Variants in SLC30A5 observed in about 807,000 individuals in gnomAD.
The protein encoded by SLC30A5 is solute carrier family 30 member 5.
In SLC30A5, 33 loss-of-function variants were observed where a neutral mutation model predicts 79.6. That is an observed-to-expected ratio of 0.41 (90% CI 0.31 to 0.55). The LOEUF is 0.55. Among genes scored for constraint, SLC30A5 ranks in the 20% least tolerant of loss-of-function variants. The probability of loss-of-function intolerance (pLI) is 0.20; values close to 1 mark genes in which losing one functional copy is unlikely to be tolerated. For synonymous variants in SLC30A5, 299 were observed against 319.7 expected, an observed-to-expected ratio of 0.94 and a Z score of 0.69; for missense variants, 788 against 928.1, an observed-to-expected ratio of 0.85 and a Z score of 1.96.
At chr5:69,117,705 C>T (rs1187199277) in intron 11 of SLC30A5, among the ~76,000 whole-genome samples, 2 of 151,132 alleles carry the variant, frequency 1.3e-5, no homozygotes, top group Admixed American at 6.6e-5. Flanking sequence ...GGTGAAACCT[C>T]GTCTCTACTA....
intron 1 of SLC30A5, among the ~76,000 whole-genome samples, chr5:69,094,823 C>T (rs1414724019): frequency 6.6e-6 from 1 of 152,024 alleles, no homozygotes; most frequent in Non-Finnish European, 1.5e-5. Context: ...ATCGAGGGTC[C>T]AGCCCCGTTT....
intron 7 of SLC30A5, 75 bp from the exon 8 acceptor site, chr5:69,115,162 A>T: frequency 1.3e-5 from 10 of 799,428 alleles, no homozygotes; most frequent in African/African-American, 2.2e-5. Flanking sequence ...AAAAAAAAAA[A>T]AAAGATCATG....
intron 14 of SLC30A5, among the ~76,000 whole-genome samples, chr5:69,125,499 G>A (rs921051665): frequency 3.4e-5 from 5 of 148,188 alleles, no homozygotes; most frequent in Admixed American, 1.4e-4. Context: ...GCAACAGAGC[G>A]AGACTGGCAA....
At chr5:69,112,168 G>A (rs1374722385) in intron 5 of SLC30A5, among the ~76,000 whole-genome samples, 1 of 151,968 alleles carries the variant, frequency 6.6e-6, no homozygotes, top group African/African-American at 2.4e-5. Flanking sequence ...ATGGTGATGT[G>A]CACCTGTAAT....
At chr5:69,100,612 TAAAAAA>T in intron 1 of SLC30A5, among the ~76,000 whole-genome samples, 189 bp from the exon 2 acceptor site, 1 of 134,478 alleles carries the variant, frequency 7.4e-6, no homozygotes, top group Admixed American at 7.5e-5. Flanking sequence ...CTCTATGAGT[TAAAAAA>T]AAAAAAAAAA....
At chr5:69,105,751 A>T (rs1310133379) in intron 4 of SLC30A5, among the ~76,000 whole-genome samples, 3 of 152,194 alleles carry the variant, frequency 2.0e-5, no homozygotes, top group Non-Finnish European at 4.4e-5. Flanking sequence ...CAGGCCACAG[A>T]GCAGGAGGTG....
At chr5:69,109,084 A>G (rs1484697350) in intron 5 of SLC30A5, among the ~76,000 whole-genome samples, 1 of 152,132 alleles carries the variant, frequency 6.6e-6, no homozygotes, top group Non-Finnish European at 1.5e-5. Flanking sequence ...CTTCTTAACC[A>G]ACTCAAGTAC....
Position 69,094,049 on chromosome 5 carries a change from C to T in SLC30A5, c.-207C>T. ...CCGCTGCTTCCCGGGAACCTGGCGC[C>T]GCCGGAACTGATCGCGGCCTAGTCC... On this transcript the variant is annotated 5_prime_UTR_variant, in exon 1 of 16. Coordinates refer to ENST00000396591, the MANE Select transcript of SLC30A5 (RefSeq NM_022902.5). 2.5e-6 allele frequency: 1 copy of T among 394,832 alleles called. No individual in the cohort carries two copies. 24.5% of individuals were successfully genotyped at this position (394,832 alleles called of 1,614,324 possible).
chr5:69,118,019 C>CA (rs1301431882), intron 11 of SLC30A5, among the ~76,000 whole-genome samples: 32 of 146,050 alleles, frequency 2.2e-4, no homozygotes, highest in Admixed American at 1.4e-3. Context: ...ACTAAAAATA[C>CA]AAAAAAAATT....
Position 69,116,710 on chromosome 5 carries a change from T to A in SLC30A5, c.1281+108T>A. On this transcript the variant is annotated intron_variant, in intron 10 of 15. Transcript: ENST00000396591. The surrounding 1 kb of genome is among the most constrained non-coding windows in gnomAD (Gnocchi z 4.0). Reference sequence around the variant, plus strand: ...CCAAATTTCTGATAATAAGATGAGCTAAAATTTAAATTTTTTCTAAGTATA... The same window carrying A: ...CCAAATTTCTGATAATAAGATGAGCAAAAATTTAAATTTTTTCTAAGTATA... 1 of 706,126 alleles carries A rather than the reference T, an allele frequency of 1.4e-6. No homozygotes were observed. The highest frequency in any genetic ancestry group is 2.1e-6 in the Non-Finnish European group (1 of 473,128). The allele number at this position is 706,126 out of a possible 1,614,324, so 43.7% of individuals were successfully genotyped here.
intron 5 of SLC30A5, among the ~76,000 whole-genome samples, chr5:69,112,937 G>A (rs1746271120): frequency 6.6e-6 from 1 of 152,118 alleles, no homozygotes; most frequent in Non-Finnish European, 1.5e-5. Flanking sequence ...GTTATCATTA[G>A]TTTATATCTC....
intron 4 of SLC30A5, among the ~76,000 whole-genome samples, chr5:69,105,302 C>A (rs1241116734): frequency 3.3e-5 from 5 of 152,168 alleles, no homozygotes; most frequent in Non-Finnish European, 4.4e-5. Flanking sequence ...TTGTATCATG[C>A]AGCTGTGTAT....
At chr5:69,106,055 G>A (rs1746072793) in intron 4 of SLC30A5, among the ~76,000 whole-genome samples, 1 of 152,220 alleles carries the variant, frequency 6.6e-6, no homozygotes. Context: ...TAGTGGGGTA[G>A]ACAGAGTGGA....
At chr5:69,107,365 G>C (rs556138488) in intron 4 of SLC30A5, among the ~76,000 whole-genome samples, 1 of 152,084 alleles carries the variant, frequency 6.6e-6, no homozygotes, top group Non-Finnish European at 1.5e-5. Flanking sequence ...CTATTTTACA[G>C]TTAACTTTTT....
intron 14 of SLC30A5, among the ~76,000 whole-genome samples, chr5:69,124,485 A>G (rs546742351): frequency 2.0e-5 from 3 of 152,204 alleles, no homozygotes; most frequent in Admixed American, 2.0e-4. Context: ...AAAAAAAGCT[A>G]TATCTCTATA....
At chr5:69,118,401 A>G (rs1431278170) in intron 11 of SLC30A5, 98 bp from the exon 12 acceptor site, 2 of 835,412 alleles carry the variant, frequency 2.4e-6, no homozygotes, top group Admixed American at 3.4e-5. Flanking sequence ...TTAATTACTT[A>G]GTAGTATGAA....
intron 12 of SLC30A5, among the ~76,000 whole-genome samples, 173 bp downstream of exon 12, chr5:69,118,801 CTTTTTTTTTTT>C (rs35781175): frequency 1.0e-5 from 1 of 97,322 alleles, no homozygotes; most frequent in African/African-American, 4.0e-5. Context: ...TAGAAATTCT[CTTTTTTTTTTT>C]TTTTTTTTTT....
chr5:69,117,839 T>C (rs1002799322), intron 11 of SLC30A5, among the ~76,000 whole-genome samples: 1 of 146,644 alleles, frequency 6.8e-6, no homozygotes, highest in African/African-American at 2.5e-5. Flanking sequence ...ATCGTGCCAC[T>C]GCACTCCAGC....
At chr5:69,121,083 T>G (rs1746522185) in intron 12 of SLC30A5, among the ~76,000 whole-genome samples, 1 of 152,170 alleles carries the variant, frequency 6.6e-6, no homozygotes, top group Non-Finnish European at 1.5e-5. Context: ...AGAAGATCGC[T>G]TGAGCCCAGG....
Sources: gnomAD v4.1 joint callset for allele counts (sites outside exome capture counted in the v4.1 genomes callset) on GRCh38, gnomAD v4.1.1 for gene constraint, Gnocchi (gnomAD v3.1) non-coding constraint, MANE v1.5 for transcripts, NCBI Gene and HGNC (gene_info 2026-07-23, HGNC 2026-07-21) for gene names.